CSMD1: variants seen among roughly 807,000 people sequenced by gnomAD.
CSMD1 encodes CUB and Sushi multiple domains 1, also known as CUB and sushi domain-containing protein 1.
In CSMD1, 213 loss-of-function variants were observed where a neutral mutation model predicts 417.5. That is an observed-to-expected ratio of 0.51 (90% CI 0.46 to 0.57). The LOEUF is 0.57. Ranked by LOEUF, CSMD1 falls within the 20% of genes least tolerant of loss-of-function variation. The pLI, the probability that CSMD1 is intolerant of heterozygous loss-of-function variation, is 0.00. For synonymous variants in CSMD1, 2,862 were observed against 1,736.8 expected, an observed-to-expected ratio of 1.65 and a Z score of -16.11; for missense variants, 6,923 against 4,529.7, an observed-to-expected ratio of 1.53 and a Z score of -15.17.
At chr8:3,832,894 G>A (rs117666856) in intron 5 of CSMD1, among the ~76,000 whole-genome samples, 4,556 of 152,180 alleles carry the variant, frequency 0.03, 106 homozygotes, top group Non-Finnish European at 0.043. Context: ...AACCCATATT[G>A]CATAAGCAAC....
At chr8:4,383,566 A>T (rs1336768750) in intron 3 of CSMD1, among the ~76,000 whole-genome samples, 1 of 152,132 alleles carries the variant, frequency 6.6e-6, no homozygotes, top group Non-Finnish European at 1.5e-5. Context: ...ATAAACCTCA[A>T]ATCTGATTAC....
intron 1 of CSMD1, among the ~76,000 whole-genome samples, chr8:4,751,915 A>G (rs1811358858): frequency 6.6e-6 from 1 of 152,200 alleles, no homozygotes. Context: ...TGTTAGTTCC[A>G]GAGTCAGGAA....
chr8:3,479,027 G>A (rs1265655931), intron 11 of CSMD1, among the ~76,000 whole-genome samples: 1 of 151,716 alleles, frequency 6.6e-6, no homozygotes, highest in Non-Finnish European at 1.5e-5. Flanking sequence ...CCAACCCCAT[G>A]CACTCCAAGC....
chr8:3,664,783 G>T (rs74367271), intron 7 of CSMD1, among the ~76,000 whole-genome samples: 1,866 of 152,274 alleles, frequency 0.012, 43 homozygotes, highest in African/African-American at 0.043. Context: ...CCTGACACTG[G>T]TAAAACTGTA....
chr8:4,910,301 A>G (rs997205109), intron 1 of CSMD1, among the ~76,000 whole-genome samples: 1 of 152,250 alleles, frequency 6.6e-6, no homozygotes, highest in Non-Finnish European at 1.5e-5. Context: ...CTTGATTTAT[A>G]CAACTTTATA....
At chr8:4,943,712 A>C (rs1280107079) in intron 1 of CSMD1, among the ~76,000 whole-genome samples, 1 of 152,148 alleles carries the variant, frequency 6.6e-6, no homozygotes, top group African/African-American at 2.4e-5. Flanking sequence ...TCATTCCTAA[A>C]AACATTTGAA....
intron 2 of CSMD1, among the ~76,000 whole-genome samples, chr8:4,557,865 T>C (rs1281230015): frequency 1.3e-5 from 2 of 152,202 alleles, no homozygotes. Context: ...TTTTTATAAA[T>C]GAAATGGGAG....
At chr8:4,486,658 G>C (rs985698253) in intron 2 of CSMD1, among the ~76,000 whole-genome samples, 4 of 151,936 alleles carry the variant, frequency 2.6e-5, no homozygotes, top group Non-Finnish European at 5.9e-5. Context: ...CATATAGATG[G>C]GGAAACTGAA....
intron 12 of CSMD1, among the ~76,000 whole-genome samples, chr8:3,450,630 T>A (rs377348079): frequency 1.3e-5 from 2 of 152,050 alleles, no homozygotes; most frequent in Non-Finnish European, 2.9e-5. Context: ...CATGTCCCTA[T>A]AAAGGACATG....
Position 4,905,178 on chromosome 8 carries a change from A to G in CSMD1, c.85+89154T>C, listed in dbSNP as rs576223076. On this transcript the variant is annotated intron_variant, in intron 1 of 69. Transcript: ENST00000635120. ...GGAGTACTATTCGAACACATCTCTG[A>G]AAAAAAAAGTTATATTTGATATCTC... is the stretch of plus-strand genomic sequence containing the variant. Among the ~76,000 whole-genome samples, 5 of 151,600 alleles carry G rather than the reference A, an allele frequency of 3.3e-5. 1 individual carries two copies. The highest frequency in any genetic ancestry group is 1.2e-4 in the African/African-American group (5 of 41,360).
At chr8:3,979,711 G>T (rs770572680) in intron 5 of CSMD1, among the ~76,000 whole-genome samples, 1 of 152,182 alleles carries the variant, frequency 6.6e-6, no homozygotes, top group Non-Finnish European at 1.5e-5. Flanking sequence ...ACCCAGAACT[G>T]AATAAGCTGG....
At chr8:3,393,907 G>T (rs1261015191) in intron 17 of CSMD1, among the ~76,000 whole-genome samples, 1 of 149,694 alleles carries the variant, frequency 6.7e-6, no homozygotes, top group Non-Finnish European at 1.5e-5. Flanking sequence ...GTTAATGGGT[G>T]CAGCACACCA....
rs142958020 is a variant in CSMD1 at position 3,872,982 on chromosome 8, G to T, written c.819-118940C>A. On this transcript the variant is annotated intron_variant, in intron 5 of 69. Coordinates refer to ENST00000635120, the MANE Select transcript of CSMD1 (RefSeq NM_033225.6). ...CAACATCACTGATCATTAGAGAAAC[G>T]CAAATCAAAACCACAGTGAGATACC... Among the ~76,000 whole-genome samples, 13 of 152,018 alleles carry T rather than the reference G, an allele frequency of 8.6e-5. No homozygotes were observed. The East Asian group carries it at 2.3e-3, about 27-fold the overall frequency.
At chr8:3,881,598 G>A (rs1236301547) in intron 5 of CSMD1, among the ~76,000 whole-genome samples, 2 of 123,986 alleles carry the variant, frequency 1.6e-5, no homozygotes, top group African/African-American at 6.5e-5. Flanking sequence ...GACAGAGCAA[G>A]ACTCCATCTC....
chr8:4,430,480 A>G (rs78997790), intron 2 of CSMD1, among the ~76,000 whole-genome samples: 1 of 152,038 alleles, frequency 6.6e-6, no homozygotes, highest in Non-Finnish European at 1.5e-5. Context: ...TAGACATGGT[A>G]TATCATAATT....
intron 6 of CSMD1, among the ~76,000 whole-genome samples, chr8:3,738,164 A>G (rs959573675): frequency 1.3e-5 from 2 of 152,200 alleles, no homozygotes; most frequent in Admixed American, 6.5e-5. Context: ...ATAAAAATAT[A>G]TGCCCTTTGA....
Position 3,406,160 on chromosome 8 carries a change from G to A in CSMD1, c.2133C>T (p.Asp711=), listed in dbSNP as rs766706331. The A allele has an allele frequency of 6.2e-7, 1 of 1,613,330 alleles. No individual in the cohort carries two copies. The highest frequency in any genetic ancestry group is 1.3e-5 in the African/African-American group (1 of 74,870). The change falls in exon 15 of 70, where the codon GAC becomes GAT. Residue 711 remains aspartate (D), a synonymous_variant. Coordinates refer to ENST00000635120, the MANE Select transcript of CSMD1 (RefSeq NM_033225.6). ...AAACCGAGCTCCCGAGTAGAAACCT[G>A]TCACCAAAACGTCGTCCGTTTATAG... is the stretch of plus-strand genomic sequence containing the variant. The part of the protein sequence containing the change: ...GIPINGRRFG[D]RFLLGSSVSF...
At chr8:3,321,420 T>C (rs1477868245) in intron 23 of CSMD1, among the ~76,000 whole-genome samples, 2 of 152,144 alleles carry the variant, frequency 1.3e-5, no homozygotes, top group African/African-American at 4.8e-5. Context: ...ACCCTGCATA[T>C]TCCTCCTGAA....
intron 49 of CSMD1, among the ~76,000 whole-genome samples, chr8:3,083,105 ATTTT>A (rs1445940121): frequency 6.6e-6 from 1 of 151,976 alleles, no homozygotes; most frequent in African/African-American, 2.4e-5. Flanking sequence ...TCTTTTATTT[ATTTT>A]TATTTCATAA....
Sources: allele counts gnomAD v4.1 joint callset (sites outside exome capture counted in the v4.1 genomes callset), GRCh38; gene constraint gnomAD v4.1.1; transcripts MANE v1.5; gene names NCBI Gene and HGNC (gene_info 2026-07-23, HGNC 2026-07-21).